Variants in ADK observed in about 807,000 individuals in gnomAD.
ADK encodes the protein adenosine kinase.
In ADK, 24 loss-of-function variants were observed where a neutral mutation model predicts 44.7. That is an observed-to-expected ratio of 0.54 (90% CI 0.39 to 0.76). The LOEUF (loss-of-function observed/expected upper bound fraction) is 0.76, where lower values mean the gene tolerates loss of function less well. Ranked by LOEUF, ADK falls within the 30% of genes least tolerant of loss-of-function variation. ADK has a pLI of 0.00. For synonymous variants in ADK, 128 were observed against 142.6 expected, an observed-to-expected ratio of 0.90 and a Z score of 0.73; for missense variants, 321 against 425.1, an observed-to-expected ratio of 0.76 and a Z score of 2.15.
rs1842784246 is a variant in ADK at position 74,375,315 on chromosome 10, G to C, written c.274-18826G>C. Among the ~76,000 whole-genome samples the C allele has an allele frequency of 2.6e-5, 4 of 151,796 alleles. No individual in the cohort carries two copies. The South Asian group carries it at 6.2e-4, about 24-fold the overall frequency. The stretch of plus-strand genomic sequence containing the variant: ...TAATATAAAAATGACAACTTTGCCT[G>C]TCAAATTATAAAAAATGTTTTCTCA... On this transcript the variant is annotated intron_variant, in intron 4 of 10. Coordinates refer to ENST00000539909, the MANE Select transcript of ADK (RefSeq NM_006721.4).
intron 7 of ADK, among the ~76,000 whole-genome samples, chr10:74,545,683 A>G (rs1411243113): frequency 6.6e-6 from 1 of 152,160 alleles, no homozygotes; most frequent in Non-Finnish European, 1.5e-5. Context: ...TCAGGGCCAG[A>G]TGGATATGAT....
chr10:74,657,117 G>A (rs1324637076), intron 9 of ADK, among the ~76,000 whole-genome samples: 4 of 151,944 alleles, frequency 2.6e-5, no homozygotes, highest in African/African-American at 9.7e-5. Context: ...GCCCAGACTG[G>A]TCTTGAGCTC....
At chr10:74,568,084 G>A (rs1850757604) in intron 7 of ADK, among the ~76,000 whole-genome samples, 1 of 152,074 alleles carries the variant, frequency 6.6e-6, no homozygotes, top group Non-Finnish European at 1.5e-5. Flanking sequence ...GCCCTGGATG[G>A]CTTTGAATGC....
chr10:74,491,287 A>G (rs1159221546), intron 6 of ADK, among the ~76,000 whole-genome samples: 1 of 151,998 alleles, frequency 6.6e-6, no homozygotes, highest in East Asian at 1.9e-4. Flanking sequence ...ATTTTACTTT[A>G]CTTTGAGTCA....
intron 10 of ADK, among the ~76,000 whole-genome samples, chr10:74,703,147 A>G (rs1856491344): frequency 6.6e-6 from 1 of 152,060 alleles, no homozygotes; most frequent in South Asian, 2.1e-4. Context: ...ACAAATCCAA[A>G]ATTAGAATCA....
At chr10:74,302,414 C>CCCCAG (rs1840090931) in intron 3 of ADK, among the ~76,000 whole-genome samples, 2 of 151,452 alleles carry the variant, frequency 1.3e-5, no homozygotes, top group South Asian at 4.2e-4. Context: ...GAGCCACTGC[C>CCCCAG]CCCAGCCTGT....
chr10:74,656,626 C>T (rs117276858), intron 9 of ADK, among the ~76,000 whole-genome samples: 3,352 of 152,138 alleles, frequency 0.022, 58 homozygotes, highest in South Asian at 0.076. Context: ...TGTATCCTTG[C>T]GCAAACTACC....
chr10:74,290,925 G>T (rs1405748754), intron 3 of ADK, among the ~76,000 whole-genome samples: 1 of 152,112 alleles, frequency 6.6e-6, no homozygotes, highest in African/African-American at 2.4e-5. Context: ...TTTAGTTTAT[G>T]AGTCATCTGG....
chr10:74,329,669 G>T (rs890790383), intron 4 of ADK, among the ~76,000 whole-genome samples: 2 of 152,150 alleles, frequency 1.3e-5, no homozygotes, highest in Non-Finnish European at 2.9e-5. Flanking sequence ...GTTGCAGGTG[G>T]CATGTATTTT....
Position 74,527,971 on chromosome 10 carries a change from A to G in ADK, c.726+2545A>G, listed in dbSNP as rs186975768. 125 of 793,820 alleles carry G rather than the reference A, an allele frequency of 1.6e-4. No homozygotes were observed. In the African/African-American group the frequency reaches 2.0e-3, roughly 13 times the overall value. 49.2% of individuals were successfully genotyped at this position (793,820 alleles called of 1,614,324 possible). A position where few individuals can be genotyped will look rare whatever the true frequency, so the allele number is the denominator to read the frequency against. ...TTGGATGAGAAGGGCTGGTTATAAG[A>G]AAAAATTATGGAAAAAGGCACCTGC... On this transcript the variant is annotated intron_variant, in intron 7 of 10. Transcript: ENST00000539909.
intron 3 of ADK, among the ~76,000 whole-genome samples, chr10:74,246,954 T>C (rs928915785): frequency 1.3e-5 from 2 of 151,934 alleles, no homozygotes; most frequent in African/African-American, 2.4e-5. Context: ...ATAATAAATA[T>C]TTAAAAAAGT....
intron 6 of ADK, among the ~76,000 whole-genome samples, chr10:74,481,948 T>C (rs1847088455): frequency 6.6e-6 from 1 of 152,220 alleles, no homozygotes; most frequent in South Asian, 2.1e-4. Flanking sequence ...TTATATCAGA[T>C]TTTCTTTTCC....
intron 7 of ADK, among the ~76,000 whole-genome samples, chr10:74,575,555 G>A (rs1225784816): frequency 6.6e-6 from 1 of 152,184 alleles, no homozygotes; most frequent in Non-Finnish European, 1.5e-5. Context: ...GTACCTACAT[G>A]TGCGAGGCAG....
chr10:74,480,225 TC>T lies in ADK; in HGVS notation c.556-45030del, dbSNP rs1427669369. On this transcript the variant is annotated intron_variant, in intron 6 of 10. Coordinates refer to ENST00000539909, the MANE Select transcript of ADK (RefSeq NM_006721.4). Reference sequence around the variant, plus strand: ...GCCTAATTTTCTTTCTTTCTTTCTTTCTTTTTTTTTTTTTTTAAAGAGACAG... The same window carrying T: ...GCCTAATTTTCTTTCTTTCTTTCTTTTTTTTTTTTTTTTTTAAAGAGACAG... Among the ~76,000 whole-genome samples, 330 of 141,324 alleles carry T rather than the reference TC, an allele frequency of 2.3e-3. 3 individuals are homozygous for T. Among genetic ancestry groups the T allele is most frequent in the African/African-American group, 9.5e-3 (317 of 33,342 alleles). The allele number at this position is 141,324 out of a possible 152,430, so 92.7% of individuals were successfully genotyped here.
At chr10:74,541,528 T>C (rs1184821854) in intron 7 of ADK, among the ~76,000 whole-genome samples, 1 of 152,162 alleles carries the variant, frequency 6.6e-6, no homozygotes, top group African/African-American at 2.4e-5. Flanking sequence ...CCTGACTGGT[T>C]TTTTGTAGAA....
chr10:74,429,960 C>G (rs931604211), intron 6 of ADK, among the ~76,000 whole-genome samples: 1 of 152,136 alleles, frequency 6.6e-6, no homozygotes, highest in East Asian at 1.9e-4. Context: ...GGGCCACATA[C>G]CATTCTAAGA....
At chr10:74,188,566 A>G (rs981798247) in intron 1 of ADK, among the ~76,000 whole-genome samples, 1 of 151,254 alleles carries the variant, frequency 6.6e-6, no homozygotes. Flanking sequence ...GTTAGCCAGG[A>G]TGGTCTCCAT....
intron 2 of ADK, among the ~76,000 whole-genome samples, chr10:74,215,464 C>T (rs1285451636): frequency 6.6e-6 from 1 of 151,524 alleles, no homozygotes; most frequent in African/African-American, 2.4e-5. Context: ...GCGCCTGCCA[C>T]CACGCCTGGC....
chr10:74,158,049 T>C (rs938825190), intron 1 of ADK, among the ~76,000 whole-genome samples: 2 of 152,134 alleles, frequency 1.3e-5, no homozygotes, highest in African/African-American at 4.8e-5. Flanking sequence ...TCTAGTAAGA[T>C]GGAAACAAAA....
Sources: gnomAD v4.1 joint callset for allele counts (sites outside exome capture counted in the v4.1 genomes callset) on GRCh38, gnomAD v4.1.1 for gene constraint, MANE v1.5 for transcripts, NCBI Gene and HGNC (gene_info 2026-07-23, HGNC 2026-07-21) for gene names.